Variants in FSTL5 observed in about 807,000 individuals in gnomAD.
FSTL5 encodes the protein follistatin like 5, also known as follistatin-related protein 5.
A neutral mutation model predicts 89.1 loss-of-function variants in FSTL5; 62 were observed. The observed-to-expected ratio is 0.70, with a 90% CI of 0.57 to 0.86. The LOEUF (loss-of-function observed/expected upper bound fraction) is 0.86, where lower values mean the gene tolerates loss of function less well. FSTL5 is among the 40% of genes least tolerant of loss of function. The probability of loss-of-function intolerance (pLI) is 0.00; values close to 1 mark genes in which losing one functional copy is unlikely to be tolerated. For missense variants in FSTL5, 1,057 were observed against 1,001.6 expected, an observed-to-expected ratio of 1.06 and a Z score of -0.75; for synonymous variants, 383 against 346.2, an observed-to-expected ratio of 1.11 and a Z score of -1.18.
At chr4:161,568,096 G>A (rs1215454201) in intron 8 of FSTL5, among the ~76,000 whole-genome samples, 3 of 150,804 alleles carry the variant, frequency 2.0e-5, no homozygotes, top group Admixed American at 6.7e-5. Flanking sequence ...GCCCAGCGAC[G>A]CCCATGACTT....
chr4:161,879,063 T>C (rs78498407), intron 4 of FSTL5, among the ~76,000 whole-genome samples: 2 of 152,168 alleles, frequency 1.3e-5, no homozygotes, highest in Non-Finnish European at 2.9e-5. Flanking sequence ...GCAAACTATG[T>C]CTTTCTTCCT....
chr4:161,630,187 G>T (rs1245301007), intron 7 of FSTL5, among the ~76,000 whole-genome samples: 1 of 152,146 alleles, frequency 6.6e-6, no homozygotes, highest in African/African-American at 2.4e-5. Flanking sequence ...GCTTCACTGT[G>T]CAGTGAGGTG....
chr4:161,769,292 T>G (rs1445519840), intron 5 of FSTL5, among the ~76,000 whole-genome samples: 1 of 151,984 alleles, frequency 6.6e-6, no homozygotes, highest in Non-Finnish European at 1.5e-5. Flanking sequence ...ACTCAAACTA[T>G]TCTGAAAATT....
chr4:162,087,475 A>C (rs1429745622), intron 2 of FSTL5, among the ~76,000 whole-genome samples: 2 of 152,166 alleles, frequency 1.3e-5, no homozygotes, highest in East Asian at 3.8e-4. Context: ...ATACTTAAAA[A>C]TGATTTTTAA....
chr4:161,828,383 T>C (rs1730734608), intron 4 of FSTL5, among the ~76,000 whole-genome samples: 1 of 152,174 alleles, frequency 6.6e-6, no homozygotes, highest in Non-Finnish European at 1.5e-5. Context: ...TCCTGGTGTG[T>C]TTCTGCAGTT....
intron 3 of FSTL5, among the ~76,000 whole-genome samples, chr4:161,949,231 G>A (rs1336625351): frequency 2.6e-5 from 4 of 151,952 alleles, no homozygotes; most frequent in African/African-American, 9.7e-5. Context: ...CCTTATAAGG[G>A]CCTTTGTAAT....
chr4:162,014,947 A>C (rs986342761), intron 3 of FSTL5, among the ~76,000 whole-genome samples: 1 of 152,290 alleles, frequency 6.6e-6, no homozygotes, highest in African/African-American at 2.4e-5. Flanking sequence ...ATGCTACTCA[A>C]GGTTAAAAAT....
At chr4:161,523,126 G>T (rs1731095032) in intron 10 of FSTL5, among the ~76,000 whole-genome samples, 2 of 152,008 alleles carry the variant, frequency 1.3e-5, no homozygotes, top group Non-Finnish European at 2.9e-5. Context: ...TTCTATAATA[G>T]CTTAATATAC....
At chr4:161,673,757 A>G (rs35915894) in intron 6 of FSTL5, among the ~76,000 whole-genome samples, 53,154 of 151,790 alleles carry the variant, frequency 0.35, 9,587 homozygotes, top group Middle Eastern at 0.52. Flanking sequence ...TTTACCAGAC[A>G]GAATTTGTTT....
At chr4:161,948,302 A>C (rs573536314) in intron 3 of FSTL5, among the ~76,000 whole-genome samples, 1 of 151,542 alleles carries the variant, frequency 6.6e-6, no homozygotes, top group African/African-American at 2.4e-5. Context: ...GAAAAAAAAA[A>C]AAAAAAAACT....
chr4:161,458,511 T>G (rs1733443770), intron 14 of FSTL5, among the ~76,000 whole-genome samples: 1 of 152,196 alleles, frequency 6.6e-6, no homozygotes, highest in Admixed American at 6.5e-5. Flanking sequence ...AAGAATTTAT[T>G]TTAAAATGTC....
At chr4:162,050,851 T>C (rs1190469202) in intron 2 of FSTL5, among the ~76,000 whole-genome samples, 1 of 151,366 alleles carries the variant, frequency 6.6e-6, no homozygotes, top group African/African-American at 2.4e-5. Context: ...AGAGAAAAAC[T>C]ATATTTGTAG....
chr4:161,779,570 T>C (rs6841007), intron 4 of FSTL5, among the ~76,000 whole-genome samples: 110,653 of 150,812 alleles, frequency 0.73, 40,661 homozygotes, highest in Non-Finnish European at 0.76. Flanking sequence ...AGATGTGAAA[T>C]AACTTGTTCA....
chr4:161,605,406 T>G (rs12639859), intron 7 of FSTL5, among the ~76,000 whole-genome samples: 26,255 of 152,138 alleles, frequency 0.17, 2,366 homozygotes, highest in Middle Eastern at 0.32. Flanking sequence ...AAGATATGTA[T>G]ATCTTAAATA....
At chr4:161,826,875 G>C (rs1730685209) in intron 4 of FSTL5, among the ~76,000 whole-genome samples, 2 of 152,120 alleles carry the variant, frequency 1.3e-5, no homozygotes, top group Admixed American at 6.5e-5. Context: ...AGATGATTTA[G>C]GCCATTTATG....
At chr4:162,051,911 G>T (rs929729495) in intron 2 of FSTL5, among the ~76,000 whole-genome samples, 6 of 151,458 alleles carry the variant, frequency 4.0e-5, no homozygotes, top group Non-Finnish European at 7.4e-5. Flanking sequence ...GTAAGAGGTT[G>T]CAAGATAGTA....
At chr4:161,933,551 C>A (rs1373768371) in intron 3 of FSTL5, among the ~76,000 whole-genome samples, 1 of 148,074 alleles carries the variant, frequency 6.8e-6, no homozygotes, top group East Asian at 2.0e-4. Flanking sequence ...AGGAGAAAAA[C>A]ATCTATTTTG....
intron 8 of FSTL5, among the ~76,000 whole-genome samples, chr4:161,557,209 G>C (rs553506155): frequency 6.6e-6 from 1 of 151,258 alleles, no homozygotes; most frequent in African/African-American, 2.4e-5. Context: ...ACAAATAAAA[G>C]AGCAGCCTTA....
chr4:161,779,777 A>ATATATATATACATATATATATG (rs1741565653), intron 4 of FSTL5, among the ~76,000 whole-genome samples: 1 of 63,308 alleles, frequency 1.6e-5, no homozygotes, highest in Non-Finnish European at 3.5e-5. Flanking sequence ...ATATATATGT[A>ATATATATATACATATATATATG]TATATATATA....
Sources: gnomAD v4.1 joint callset for allele counts (sites outside exome capture counted in the v4.1 genomes callset) on GRCh38, gnomAD v4.1.1 for gene constraint, MANE v1.5 for transcripts, NCBI Gene and HGNC (gene_info 2026-07-23, HGNC 2026-07-21) for gene names.